NF1: variants seen among roughly 807,000 people sequenced by gnomAD.
NF1 encodes neurofibromin 1, also known as neurofibromin.
Under a neutral mutation model 325.7 loss-of-function variants are expected in NF1, and 122 were observed. That is an observed-to-expected ratio of 0.37 (90% CI 0.32 to 0.44). The LOEUF is 0.44. Among genes scored for constraint, NF1 ranks in the 20% least tolerant of loss-of-function variants. NF1 has a pLI of 1.00. For missense variants in NF1, 2,140 were observed against 3,415.4 expected (o/e 0.63, Z 9.31); for synonymous variants, 1,091 against 1,186.0 (o/e 0.92, Z 1.65).
At chr17:31,317,109 A>G (rs2069040037) in intron 36 of NF1, among the ~76,000 whole-genome samples, 1 of 152,144 alleles carries the variant, frequency 6.6e-6, no homozygotes, top group South Asian at 2.1e-4. Flanking sequence ...GGGAAAAAAC[A>G]TATAAAAAAT....
chr17:31,181,652 A>G, intron 6 of NF1, 58 bp from the exon 7 acceptor site: 1 of 1,384,044 alleles, frequency 7.2e-7, no homozygotes, highest in Non-Finnish European at 1.0e-6. Context: ...AGTTTGTGAC[A>G]TTTTATTTAC....
intron 1 of NF1, among the ~76,000 whole-genome samples, chr17:31,150,441 A>G (rs1916853212): frequency 6.6e-6 from 1 of 152,082 alleles, no homozygotes; most frequent in African/African-American, 2.4e-5. Flanking sequence ...ATACCTTTAT[A>G]TGGTATTCTA....
At chr17:31,250,453 A>G (rs2151453308) in intron 30 of NF1, 1 of 209,386 alleles carries the variant, frequency 4.8e-6, no homozygotes, top group East Asian at 7.3e-5. Context: ...TTCAGAGAGC[A>G]AGTGGGTTTC....
At chr17:31,206,698 C>CA (rs1273843029) in intron 12 of NF1, among the ~76,000 whole-genome samples, 3 of 151,188 alleles carry the variant, frequency 2.0e-5, no homozygotes, top group African/African-American at 7.3e-5. Flanking sequence ...ATTAGCCTCT[C>CA]ACGTTTTGGG....
intron 36 of NF1, among the ~76,000 whole-genome samples, chr17:31,316,870 T>C (rs2069033283): frequency 6.6e-6 from 1 of 152,202 alleles, no homozygotes; most frequent in Non-Finnish European, 1.5e-5. Context: ...TTTTTTCCTC[T>C]CATTTTAATA....
intron 48 of NF1, among the ~76,000 whole-genome samples, chr17:31,347,603 CCTT>C (rs1272728734): frequency 6.8e-6 from 1 of 147,910 alleles, no homozygotes; most frequent in African/African-American, 2.5e-5. Context: ...AATATGTATC[CCTT>C]CTTCACCCAT....
At chr17:31,191,689 C>G (rs1450301884) in intron 8 of NF1, among the ~76,000 whole-genome samples, 4 of 151,954 alleles carry the variant, frequency 2.6e-5, no homozygotes, top group African/African-American at 9.7e-5. Context: ...ATGTCATGAT[C>G]GTGGTTGTAG....
At chr17:31,320,092 GAAT>G (rs1268650681) in intron 36 of NF1, among the ~76,000 whole-genome samples, 1 of 152,012 alleles carries the variant, frequency 6.6e-6, no homozygotes, top group African/African-American at 2.4e-5. Context: ...GCATATCTTA[GAAT>G]TTAACAGTTC....
intron 1 of NF1, among the ~76,000 whole-genome samples, chr17:31,114,869 A>G (rs1051180479): frequency 2.6e-5 from 4 of 152,176 alleles, no homozygotes; most frequent in Admixed American, 2.6e-4. Flanking sequence ...AAGAAAAAAA[A>G]GAATACAAAT....
At chr17:31,349,991 T>C (rs960763464) in intron 49 of NF1, among the ~76,000 whole-genome samples, 192 bp from the exon 50 acceptor site, 9 of 152,216 alleles carry the variant, frequency 5.9e-5, no homozygotes, top group African/African-American at 2.2e-4. Context: ...AGATCAAATG[T>C]ATATTAAAGA....
intron 8 of NF1, among the ~76,000 whole-genome samples, chr17:31,191,929 C>T (rs962513591): frequency 6.6e-6 from 1 of 152,130 alleles, no homozygotes; most frequent in African/African-American, 2.4e-5. Context: ...TGCCTGTTGA[C>T]TTCCTTTACC....
At chr17:31,229,716 G>A in intron 21 of NF1, 119 bp from the exon 22 acceptor site, 1 of 1,269,562 alleles carries the variant, frequency 7.9e-7, no homozygotes, top group Non-Finnish European at 1.1e-6. Flanking sequence ...ATGCTTATTT[G>A]GCTCTATGCC....
chr17:31,190,355 C>T (rs2066321759), intron 8 of NF1, among the ~76,000 whole-genome samples: 1 of 152,184 alleles, frequency 6.6e-6, no homozygotes, highest in Non-Finnish European at 1.5e-5. Context: ...ATGTATCCTT[C>T]CAGTCACATC....
intron 5 of NF1, among the ~76,000 whole-genome samples, chr17:31,179,278 A>G (rs1375930754): frequency 6.6e-6 from 1 of 152,232 alleles, no homozygotes; most frequent in Non-Finnish European, 1.5e-5. Flanking sequence ...AAGATAACAA[A>G]ATGAAGGCAG....
chr17:31,210,140 G>A (rs1334130070), intron 12 of NF1, among the ~76,000 whole-genome samples: 1 of 152,166 alleles, frequency 6.6e-6, no homozygotes, highest in East Asian at 1.9e-4. Context: ...TTCTTCACTA[G>A]CAAGTTAGCT....
At chr17:31,356,439 A>G in intron 51 of NF1, 21 bp from the exon 52 acceptor site, 1 of 1,610,642 alleles carries the variant, frequency 6.2e-7, no homozygotes, top group Non-Finnish European at 8.5e-7. Flanking sequence ...GAACTTGCAT[A>G]TTCTTAACTT....
intron 15 of NF1, among the ~76,000 whole-genome samples, chr17:31,223,209 A>T (rs1305299148): frequency 3.3e-5 from 5 of 152,168 alleles, no homozygotes; most frequent in Non-Finnish European, 5.9e-5. Flanking sequence ...TGGGAGTTTA[A>T]TGAAACATAG....
intron 1 of NF1, among the ~76,000 whole-genome samples, chr17:31,130,611 C>T (rs1567803017): frequency 1.3e-5 from 2 of 152,042 alleles, no homozygotes; most frequent in African/African-American, 4.8e-5. Context: ...TTTTCTCTGC[C>T]TAGTTTCATG....
chr17:31,134,692 A>G lies in NF1; in HGVS notation c.61-21291A>G, dbSNP rs188950901. On this transcript the variant is annotated intron_variant, in intron 1 of 57. Coordinates refer to ENST00000358273, the MANE Select transcript of NF1 (RefSeq NM_001042492.3). ...TTTGCTTCCAAGTAAATTCACTTAC[A>G]TAGCTTTTGGCAGGAGGCCTCAGTT... 2.2e-4 allele frequency among the ~76,000 whole-genome samples: 33 copies of G among 152,328 alleles called. No homozygotes were observed. In the East Asian group the frequency reaches 5.8e-3, roughly 27 times the overall value.
Sources: allele counts gnomAD v4.1 joint callset (sites outside exome capture counted in the v4.1 genomes callset), GRCh38; gene constraint gnomAD v4.1.1; transcripts MANE v1.5; gene names NCBI Gene and HGNC (gene_info 2026-07-23, HGNC 2026-07-21).